Variants in SPAG17 observed in about 807,000 individuals in gnomAD.
SPAG17 encodes the protein sperm associated antigen 17.
Under a neutral mutation model 273.6 loss-of-function variants are expected in SPAG17, and 169 were observed. The ratio of observed to expected loss-of-function variants is 0.62; its 90% CI spans 0.55 to 0.70. SPAG17 has a LOEUF of 0.70. Among genes scored for constraint, SPAG17 ranks in the 30% least tolerant of loss-of-function variants. The probability of loss-of-function intolerance (pLI) is 0.00; values close to 1 mark genes in which losing one functional copy is unlikely to be tolerated. For synonymous variants in SPAG17, 825 were observed against 873.2 expected (o/e 0.94, Z 0.97); for missense variants, 2,557 against 2,627.8 (o/e 0.97, Z 0.59).
chr1:118,089,198 C>G (rs142967657), intron 10 of SPAG17, among the ~76,000 whole-genome samples: 2 of 152,208 alleles, frequency 1.3e-5, no homozygotes, highest in African/African-American at 4.8e-5. Context: ...GAGAAGGCCT[C>G]TCTAAGGATT....
intron 3 of SPAG17, among the ~76,000 whole-genome samples, chr1:118,127,402 G>A (rs577810016): frequency 3.3e-5 from 5 of 152,288 alleles, no homozygotes; most frequent in African/African-American, 1.2e-4. Flanking sequence ...TTCACATGGT[G>A]AAGGCAGGAG....
intron 20 of SPAG17, among the ~76,000 whole-genome samples, chr1:118,048,722 C>T (rs568044661): frequency 3.3e-4 from 50 of 151,850 alleles, no homozygotes; most frequent in African/African-American, 1.2e-3. Flanking sequence ...ATGGTGAAAC[C>T]CTCTCTCTAT....
intron 3 of SPAG17, among the ~76,000 whole-genome samples, chr1:118,128,155 T>C (rs1283125602): frequency 6.6e-6 from 1 of 152,156 alleles, no homozygotes; most frequent in Non-Finnish European, 1.5e-5. Context: ...CTAGGCATTT[T>C]ACTTTATTTT....
chr1:118,135,407 G>A lies in SPAG17; in HGVS notation c.315+15136C>T, dbSNP rs10923498. ...TGTGTGTGTGTGTGTGTGTGTGTGTGTGTATGTGTGTGTGTGTGTGTGTGG... is the reference window on the plus strand; with the variant it reads ...TGTGTGTGTGTGTGTGTGTGTGTGTATGTATGTGTGTGTGTGTGTGTGTGG... On this transcript the variant is annotated intron_variant, in intron 3 of 48. Transcript: ENST00000336338. 1.2e-3 allele frequency among the ~76,000 whole-genome samples: 151 copies of A among 130,772 alleles called. 1 individual carries two copies. The highest frequency in any genetic ancestry group is 1.8e-3 in the African/African-American group (65 of 35,170). 85.8% of individuals were successfully genotyped at this position (130,772 alleles called of 152,430 possible).
Position 118,093,267 on chromosome 1 carries a change from G to T in SPAG17, c.1062C>A (p.Asp354Glu). ...IFENIACLMYDILDWKRQHQH... is the reference protein window; with the variant it reads ...IFENIACLMYEILDWKRQHQH... The stretch of plus-strand genomic sequence containing the variant: ...GGTGCTGCCTTTTCCAATCCAGGAT[G>T]TCATACATCAAGCAGGCAATATTTT... The change falls in exon 8 of 49, where the codon GAC becomes GAA. Residue 354 changes from aspartate (D) to glutamate (E), a missense_variant. Coordinates refer to ENST00000336338, the MANE Select transcript of SPAG17 (RefSeq NM_206996.4). The T allele has an allele frequency of 2.5e-6, 4 of 1,613,416 alleles. No homozygotes were observed. Among genetic ancestry groups the T allele is most frequent in the Non-Finnish European group, 3.4e-6 (4 of 1,179,690 alleles).
At chr1:118,005,079 G>A (rs1441593862) in intron 32 of SPAG17, among the ~76,000 whole-genome samples, 1 of 152,176 alleles carries the variant, frequency 6.6e-6, no homozygotes, top group Non-Finnish European at 1.5e-5. Context: ...TGTTTGCTCT[G>A]ACTTCAACTT....
intron 3 of SPAG17, among the ~76,000 whole-genome samples, chr1:118,138,134 G>A (rs1321027773): frequency 1.3e-5 from 2 of 152,174 alleles, no homozygotes; most frequent in Non-Finnish European, 2.9e-5. Flanking sequence ...AATAAGTGAG[G>A]TCAGCCACAG....
At chr1:118,017,514 T>C (rs148282967) in intron 28 of SPAG17, among the ~76,000 whole-genome samples, 1 of 152,232 alleles carries the variant, frequency 6.6e-6, no homozygotes, top group African/African-American at 2.4e-5. Context: ...ACTTTAGCAG[T>C]ACGTTAGAGA....
chr1:117,962,678 G>A (rs1452408590), intron 48 of SPAG17: 1 of 152,182 alleles, frequency 6.6e-6, no homozygotes, highest in Non-Finnish European at 1.5e-5. Flanking sequence ...TGGAAGCTAG[G>A]TGCTTTGTAT....
At chr1:118,165,645 CTTTTTT>C (rs5777341) in intron 1 of SPAG17, among the ~76,000 whole-genome samples, 2 of 108,352 alleles carry the variant, frequency 1.8e-5, no homozygotes, top group African/African-American at 7.3e-5. Flanking sequence ...AAAAAACTTT[CTTTTTT>C]TTTTTTTTTT....
chr1:117,966,835 C>T (rs1020533642), intron 46 of SPAG17, 82 bp from the exon 47 acceptor site: 2 of 1,200,072 alleles, frequency 1.7e-6, no homozygotes, highest in African/African-American at 3.1e-5. Context: ...GAGCAAGTTA[C>T]TTAAACTCTC....
chr1:118,158,525 A>G (rs1659765534), intron 1 of SPAG17, among the ~76,000 whole-genome samples: 1 of 152,212 alleles, frequency 6.6e-6, no homozygotes, highest in Non-Finnish European at 1.5e-5. Context: ...TTGGGCATCA[A>G]GGTCTAAAAC....
At chr1:118,138,248 G>A (rs912396142) in intron 3 of SPAG17, among the ~76,000 whole-genome samples, 9 of 152,154 alleles carry the variant, frequency 5.9e-5, no homozygotes, top group African/African-American at 2.2e-4. Context: ...AAACAAATAC[G>A]TTGTTTGCAA....
At chr1:117,985,245 G>A (rs1355749385) in intron 40 of SPAG17, among the ~76,000 whole-genome samples, 2 of 152,176 alleles carry the variant, frequency 1.3e-5, no homozygotes, top group African/African-American at 2.4e-5. Context: ...TGGTTATAGA[G>A]TTAAAGAAAA....
intron 3 of SPAG17, among the ~76,000 whole-genome samples, chr1:118,133,171 C>T (rs1020340533): frequency 1.8e-4 from 27 of 152,086 alleles, no homozygotes. Flanking sequence ...TATCCTCCAG[C>T]AACTAGAACA....
intron 10 of SPAG17, among the ~76,000 whole-genome samples, chr1:118,091,088 C>T (rs1030376667): frequency 1.3e-5 from 2 of 152,072 alleles, no homozygotes; most frequent in Admixed American, 6.6e-5. Context: ...AGGAAAGGTA[C>T]ATGACCAGAT....
intron 34 of SPAG17, among the ~76,000 whole-genome samples, chr1:117,995,193 G>A (rs1445849415): frequency 6.6e-6 from 1 of 151,988 alleles, no homozygotes; most frequent in East Asian, 1.9e-4. Flanking sequence ...CTACCCACTA[G>A]CTCTTGGCTC....
intron 13 of SPAG17, among the ~76,000 whole-genome samples, chr1:118,084,692 C>T (rs1180820441): frequency 2.0e-5 from 3 of 152,132 alleles, no homozygotes; most frequent in Non-Finnish European, 4.4e-5. Context: ...AGGTGCAGAG[C>T]GGGTGCTTAA....
chr1:118,037,559 T>G (rs560588949), intron 23 of SPAG17, among the ~76,000 whole-genome samples: 2 of 152,320 alleles, frequency 1.3e-5, no homozygotes, highest in South Asian at 4.1e-4. Context: ...ATGCCCATGT[T>G]TACTCAGTGT....
Sources: allele counts gnomAD v4.1 joint callset (sites outside exome capture counted in the v4.1 genomes callset), GRCh38; gene constraint gnomAD v4.1.1; transcripts MANE v1.5; gene names NCBI Gene and HGNC (gene_info 2026-07-23, HGNC 2026-07-21).